NALCN: variants seen among roughly 807,000 people sequenced by gnomAD.
The protein encoded by NALCN is sodium leak channel, non-selective, also known as sodium leak channel NALCN.
Under a neutral mutation model 225.3 loss-of-function variants are expected in NALCN, and 111 were observed. The observed-to-expected ratio is 0.49, with a 90% CI of 0.42 to 0.58. The LOEUF is 0.58. NALCN is among the 20% of genes least tolerant of loss of function. The probability of loss-of-function intolerance (pLI) is 0.00; values close to 1 mark genes in which losing one functional copy is unlikely to be tolerated. For missense variants in NALCN, 1,378 were observed against 2,202.4 expected (o/e 0.63, Z 7.49); for synonymous variants, 764 against 769.0 (o/e 0.99, Z 0.11).
At chr13:101,360,250 C>T (rs1390401405) in intron 6 of NALCN, among the ~76,000 whole-genome samples, 7 of 134,440 alleles carry the variant, frequency 5.2e-5, no homozygotes, top group Non-Finnish European at 7.7e-5. Flanking sequence ...TTCCTTCCTT[C>T]GATGGAGTTT....
At chr13:101,232,841 C>A (rs12583089) in intron 12 of NALCN, among the ~76,000 whole-genome samples, 35,860 of 151,910 alleles carry the variant, frequency 0.24, 4,499 homozygotes, top group East Asian at 0.36. Flanking sequence ...ATCATAAGAA[C>A]TATTAAAGTA....
intron 11 of NALCN, among the ~76,000 whole-genome samples, chr13:101,243,518 T>A (rs2041808649): frequency 9.5e-6 from 1 of 105,010 alleles, no homozygotes; most frequent in Admixed American, 9.1e-5. Flanking sequence ...TGTGTGTGAG[T>A]TAACTTTTCT....
intron 15 of NALCN, among the ~76,000 whole-genome samples, chr13:101,175,260 T>G (rs369416015): frequency 3.7e-5 from 5 of 135,564 alleles, no homozygotes; most frequent in African/African-American, 1.3e-4. Context: ...GTTTGTTCTG[T>G]TTTTTTTTTT....
intron 9 of NALCN, among the ~76,000 whole-genome samples, chr13:101,290,100 T>C (rs1166193378): frequency 6.6e-6 from 1 of 152,212 alleles, no homozygotes; most frequent in Non-Finnish European, 1.5e-5. Context: ...ACGCATTACC[T>C]CTGAATTACC....
At chr13:101,256,602 T>C (rs1411012460) in intron 11 of NALCN, among the ~76,000 whole-genome samples, 1 of 152,148 alleles carries the variant, frequency 6.6e-6, no homozygotes, top group Non-Finnish European at 1.5e-5. Context: ...TCCCCTTTCT[T>C]TGCCAACTTC....
intron 13 of NALCN, among the ~76,000 whole-genome samples, chr13:101,210,959 A>T (rs1023660827): frequency 3.3e-5 from 5 of 152,184 alleles, no homozygotes; most frequent in African/African-American, 1.2e-4. Flanking sequence ...TGTAGGCAAG[A>T]CTACATAAAT....
chr13:101,168,407 C>T (rs569037835), intron 15 of NALCN, among the ~76,000 whole-genome samples: 129 of 152,196 alleles, frequency 8.5e-4, no homozygotes, highest in African/African-American at 2.9e-3. Context: ...AACTTCTTCC[C>T]CCGAAAAAAA....
At chr13:101,402,209 T>G (rs1487449729) in intron 1 of NALCN, among the ~76,000 whole-genome samples, 1 of 152,208 alleles carries the variant, frequency 6.6e-6, no homozygotes, top group Admixed American at 6.5e-5. Context: ...GTACACAAAG[T>G]TTGAAAAACA....
intron 1 of NALCN, among the ~76,000 whole-genome samples, chr13:101,411,514 A>AT (rs2139559561): frequency 6.6e-6 from 1 of 151,430 alleles, no homozygotes; most frequent in South Asian, 2.1e-4. Context: ...CACCTAGCTA[A>AT]TTTTTTTGTA....
intron 18 of NALCN, among the ~76,000 whole-genome samples, chr13:101,124,204 G>A (rs1018517748): frequency 5.3e-5 from 8 of 151,852 alleles, no homozygotes; most frequent in Admixed American, 2.0e-4. Context: ...TATTATTTCC[G>A]GATTTTTAAT....
chr13:101,166,598 T>C (rs777975808), intron 15 of NALCN, among the ~76,000 whole-genome samples: 5 of 152,212 alleles, frequency 3.3e-5, no homozygotes, highest in Non-Finnish European at 5.9e-5. Context: ...ATTTTTCTTG[T>C]TGACTATAGG....
At chr13:101,200,148 C>T (rs746166022) in intron 13 of NALCN, among the ~76,000 whole-genome samples, 31 of 152,124 alleles carry the variant, frequency 2.0e-4, no homozygotes, top group Non-Finnish European at 3.5e-4. Context: ...TTTACTTGGA[C>T]AGATGTTAGA....
chr13:101,222,853 C>A (rs897206146), intron 13 of NALCN, among the ~76,000 whole-genome samples: 1 of 152,178 alleles, frequency 6.6e-6, no homozygotes, highest in African/African-American at 2.4e-5. Context: ...ATTAAAGGCA[C>A]TTCTACTTCC....
At chr13:101,307,395 C>T (rs536068724) in intron 7 of NALCN, among the ~76,000 whole-genome samples, 3 of 152,318 alleles carry the variant, frequency 2.0e-5, no homozygotes, top group Non-Finnish European at 2.9e-5. Flanking sequence ...TCCACCAACA[C>T]ACTGGCAAGT....
intron 30 of NALCN, among the ~76,000 whole-genome samples, chr13:101,084,617 C>G (rs1235537678): frequency 6.6e-6 from 1 of 152,050 alleles, no homozygotes; most frequent in Non-Finnish European, 1.5e-5. Context: ...TATGCTGTTT[C>G]TTTATATCTG....
chr13:101,409,909 C>T (rs73567911), intron 1 of NALCN, among the ~76,000 whole-genome samples: 1 of 152,096 alleles, frequency 6.6e-6, no homozygotes, highest in Non-Finnish European at 1.5e-5. Flanking sequence ...TATGTTGAAG[C>T]TCTTATCTCT....
At chr13:101,169,591 A>C (rs1206171226) in intron 15 of NALCN, among the ~76,000 whole-genome samples, 1 of 152,236 alleles carries the variant, frequency 6.6e-6, no homozygotes, top group Non-Finnish European at 1.5e-5. Flanking sequence ...CTGATCTAAA[A>C]AATGGATAAG....
chr13:101,367,102 T>A (rs2046397561), intron 6 of NALCN, among the ~76,000 whole-genome samples: 1 of 152,052 alleles, frequency 6.6e-6, no homozygotes, highest in African/African-American at 2.4e-5. Flanking sequence ...TTATTCCAAA[T>A]GACAGAATTT....
intron 13 of NALCN, among the ~76,000 whole-genome samples, chr13:101,192,308 T>C (rs1032301497): frequency 6.6e-6 from 1 of 152,204 alleles, no homozygotes; most frequent in Non-Finnish European, 1.5e-5. Flanking sequence ...GTAAATGCTG[T>C]TGAGCAAATT....
Sources: allele counts gnomAD v4.1 joint callset (sites outside exome capture counted in the v4.1 genomes callset), GRCh38; gene constraint gnomAD v4.1.1; transcripts MANE v1.5; gene names NCBI Gene and HGNC (gene_info 2026-07-23, HGNC 2026-07-21).